CFDP1: variants seen among roughly 807,000 people sequenced by gnomAD.
CFDP1 encodes chromatin remodeling protein CFDP1.
In CFDP1, 31 loss-of-function variants were observed where a neutral mutation model predicts 40.1. The ratio of observed to expected loss-of-function variants is 0.77; its 90% CI spans 0.58 to 1.04. The LOEUF is 1.04. CFDP1 is among the 50% of genes least tolerant of loss of function. The pLI is 0.00. For synonymous variants in CFDP1, 167 were observed against 120.0 expected (o/e 1.39, Z -2.56); for missense variants, 423 against 343.4 (o/e 1.23, Z -1.83).
At chr16:75,414,055 C>T (rs1461087276) in intron 2 of CFDP1, among the ~76,000 whole-genome samples, 4 of 152,206 alleles carry the variant, frequency 2.6e-5, no homozygotes, top group East Asian at 1.9e-4. Context: ...ATCTAAACAT[C>T]CCTCGATACA....
intron 2 of CFDP1, among the ~76,000 whole-genome samples, 199 bp from the exon 3 acceptor site, chr16:75,412,953 G>T (rs1288520123): frequency 6.7e-6 from 1 of 149,170 alleles, no homozygotes; most frequent in African/African-American, 2.5e-5. Context: ...AAAAAAAACT[G>T]AGCTCTTAGT....
intron 5 of CFDP1, among the ~76,000 whole-genome samples, chr16:75,355,304 C>A (rs1212198472): frequency 2.0e-5 from 3 of 152,198 alleles, no homozygotes; most frequent in Non-Finnish European, 4.4e-5. Flanking sequence ...TGAAAGATTT[C>A]TGTAGCATGC....
chr16:75,327,226 C>T (rs949613200), intron 5 of CFDP1, among the ~76,000 whole-genome samples: 59 of 152,180 alleles, frequency 3.9e-4, no homozygotes, highest in African/African-American at 1.3e-3. Context: ...AAGATAGAGC[C>T]ACTGCACTCC....
intron 5 of CFDP1, among the ~76,000 whole-genome samples, chr16:75,306,771 T>G (rs920931254): frequency 1.4e-4 from 21 of 152,150 alleles, no homozygotes; most frequent in Non-Finnish European, 1.5e-5. Context: ...TACTTCCCAG[T>G]TTGCTTAAGA....
chr16:75,405,223 C>A (rs549404219), intron 4 of CFDP1, among the ~76,000 whole-genome samples: 90 of 152,244 alleles, frequency 5.9e-4, no homozygotes, highest in African/African-American at 2.1e-3. Flanking sequence ...GTGTGTGATA[C>A]TTCAGAATTA....
intron 6 of CFDP1, among the ~76,000 whole-genome samples, chr16:75,304,060 T>TTCTC (rs3043650): frequency 4.0e-5 from 6 of 151,088 alleles, no homozygotes; most frequent in Admixed American, 6.6e-5. Context: ...TTCTTTTCCT[T>TTCTC]TCTCTCTCTC....
chr16:75,311,451 A>C (rs1484162388), intron 5 of CFDP1, among the ~76,000 whole-genome samples: 1 of 152,128 alleles, frequency 6.6e-6, no homozygotes, highest in Non-Finnish European at 1.5e-5. Flanking sequence ...CTACATTTTT[A>C]ATGTACTAAA....
intron 5 of CFDP1, among the ~76,000 whole-genome samples, chr16:75,371,472 C>T (rs1316061975): frequency 1.3e-5 from 2 of 152,158 alleles, no homozygotes; most frequent in East Asian, 1.9e-4. Context: ...GTTAAAAAAA[C>T]TGAACAAAGT....
chr16:75,365,505 T>C (rs753916679), intron 5 of CFDP1, among the ~76,000 whole-genome samples: 6 of 152,150 alleles, frequency 3.9e-5, no homozygotes, highest in Admixed American at 6.5e-5. Flanking sequence ...ATGGAGACAG[T>C]ACTAAGTCTG....
At chr16:75,404,623 A>G (rs1013541365) in intron 4 of CFDP1, among the ~76,000 whole-genome samples, 1 of 152,116 alleles carries the variant, frequency 6.6e-6, no homozygotes, top group Non-Finnish European at 1.5e-5. Context: ...TTTGTCTAAC[A>G]TAATTAATGT....
At chr16:75,338,536 T>C (rs541180294) in intron 5 of CFDP1, among the ~76,000 whole-genome samples, 27 of 152,294 alleles carry the variant, frequency 1.8e-4, no homozygotes, top group African/African-American at 6.3e-4. Context: ...ACAGTGTGAA[T>C]GAGAACTTCT....
intron 5 of CFDP1, among the ~76,000 whole-genome samples, chr16:75,363,942 A>AACACACGCAC (rs2078696219): frequency 7.0e-6 from 1 of 142,830 alleles, no homozygotes; most frequent in Non-Finnish European, 1.5e-5. Flanking sequence ...AAAGAGGTGA[A>AACACACGCAC]ACACACACAC....
intron 5 of CFDP1, among the ~76,000 whole-genome samples, chr16:75,359,950 A>G (rs2078671206): frequency 6.6e-6 from 1 of 152,184 alleles, no homozygotes; most frequent in South Asian, 2.1e-4. Context: ...CTGAGAGACA[A>G]CAGCAGTGCA....
chr16:75,330,976 A>C (rs1299456925), intron 5 of CFDP1, among the ~76,000 whole-genome samples: 8 of 151,726 alleles, frequency 5.3e-5, no homozygotes, highest in East Asian at 3.9e-4. Flanking sequence ...AAAAAAAAAA[A>C]AAAAAAAAAC....
chr16:75,408,751 G>A (rs911716298), intron 4 of CFDP1, among the ~76,000 whole-genome samples: 4 of 151,474 alleles, frequency 2.6e-5, no homozygotes, highest in South Asian at 2.1e-4. Flanking sequence ...CTCTAGCCTC[G>A]GCAACAGATC....
intron 1 of CFDP1, among the ~76,000 whole-genome samples, chr16:75,418,464 T>C (rs887767909): frequency 5.9e-5 from 9 of 151,852 alleles, no homozygotes; most frequent in African/African-American, 2.2e-4. Flanking sequence ...GCACCACCTA[T>C]GCCTGGCTAA....
At position 75,315,691 on chromosome 16, in the gene CFDP1, A is replaced by G. The variant is rs893598947; in HGVS notation, c.651-10509T>C. Reference sequence around the variant, plus strand: ...TGCCACATATAACTTTTCTTTCTATATATAGATTTACTTTTTTGTGGCCGT... The same window carrying G: ...TGCCACATATAACTTTTCTTTCTATGTATAGATTTACTTTTTTGTGGCCGT... On this transcript the variant is annotated intron_variant, in intron 5 of 6. Transcript: ENST00000283882. Among the ~76,000 whole-genome samples, 3 of 152,182 alleles carry G rather than the reference A, an allele frequency of 2.0e-5. No individual in the cohort carries two copies. The South Asian group carries it at 6.2e-4, about 31-fold the overall frequency.
At chr16:75,419,057 C>G (rs1174131303) in intron 1 of CFDP1, 1 of 419,292 alleles carries the variant, frequency 2.4e-6, no homozygotes, top group Non-Finnish European at 4.9e-6. Context: ...GCAGGAGGAT[C>G]ACTTGAGCCC....
At chr16:75,336,739 G>A (rs1338605488) in intron 5 of CFDP1, among the ~76,000 whole-genome samples, 2 of 152,174 alleles carry the variant, frequency 1.3e-5, no homozygotes, top group Non-Finnish European at 2.9e-5. Context: ...ACTGCCAATG[G>A]CAATCCTGTG....
Sources: gnomAD v4.1 joint callset for allele counts (sites outside exome capture counted in the v4.1 genomes callset) on GRCh38, gnomAD v4.1.1 for gene constraint, MANE v1.5 for transcripts, NCBI Gene and HGNC (gene_info 2026-07-23, HGNC 2026-07-21) for gene names.